The following SVEP1 variants were observed in gnomAD, a reference collection of about 807,000 sequenced individuals.
The protein encoded by SVEP1 is sushi, von Willebrand factor type A, EGF and pentraxin domain containing 1.
Under a neutral mutation model 367.3 loss-of-function variants are expected in SVEP1, and 164 were observed. The observed-to-expected ratio is 0.45, with a 90% CI of 0.39 to 0.51. The LOEUF is 0.51. SVEP1 is among the 20% of genes least tolerant of loss of function. The pLI is 0.00. For synonymous variants in SVEP1, 1,666 were observed against 1,611.6 expected (o/e 1.03, Z -0.81); for missense variants, 4,117 against 4,425.3 (o/e 0.93, Z 1.98).
Position 110,546,204 on chromosome 9 carries a change from C to G in SVEP1, c.875G>C (p.Gly292Ala), listed in dbSNP as rs1356020860. ...DEGKDCCDRM[G>A]SCKCGTHTGH... The stretch of plus-strand genomic sequence containing the variant: ...TGTGTGTGTCCCACATTTGCAGCTT[C>G]CCATTCGGTCACAGCAGTCCTTGCC... The change falls in exon 3 of 48, where the codon GGA becomes GCA. Residue 292 changes from glycine (G) to alanine (A), a missense_variant. By Grantham distance (60) the Gly-to-Ala change is moderately conservative. Transcript: ENST00000374469. 14 of 1,575,592 alleles carry G rather than the reference C, an allele frequency of 8.9e-6. No homozygotes were observed. The highest frequency in any genetic ancestry group is 1.2e-5 in the Non-Finnish European group (14 of 1,159,906).
At chr9:110,381,880 G>A (rs1031779701) in intron 43 of SVEP1, among the ~76,000 whole-genome samples, 4 of 152,134 alleles carry the variant, frequency 2.6e-5, no homozygotes, top group African/African-American at 9.7e-5. Flanking sequence ...CCTGTACTGG[G>A]TGCCTATATA....
At chr9:110,444,037 G>C (rs1268989802) in intron 26 of SVEP1, among the ~76,000 whole-genome samples, 1 of 152,186 alleles carries the variant, frequency 6.6e-6, no homozygotes, top group Non-Finnish European at 1.5e-5. Flanking sequence ...TGGAGAGAAT[G>C]AGTCAAGAAT....
At position 110,496,932 on chromosome 9, in the gene SVEP1, G is replaced by A. The variant is rs75422692; in HGVS notation, c.1683C>T (p.Asp561=). ...NVGVQAAVCK[D]VEAPQINCPK... Reference sequence around the variant, plus strand: ...GACAGTTGATTTGAGGAGCCTCCACGTCTAACTCAGAAAAATACACAAGTA... The same window carrying A: ...GACAGTTGATTTGAGGAGCCTCCACATCTAACTCAGAAAAATACACAAGTA... Residue 561 remains aspartate, a splice_region_variant and synonymous_variant, in exon 8 of 48, where the codon GAC becomes GAT. Transcript: ENST00000374469. The A allele has an allele frequency of 1.3e-4, 200 of 1,532,668 alleles. No individual in the cohort carries two copies. Among genetic ancestry groups the A allele is most frequent in the East Asian group, 1.3e-3 (52 of 40,724 alleles). 94.9% of individuals were successfully genotyped at this position (1,532,668 alleles called of 1,614,324 possible).
At chr9:110,428,678 C>T (rs572887161) in intron 35 of SVEP1, among the ~76,000 whole-genome samples, 2 of 152,088 alleles carry the variant, frequency 1.3e-5, no homozygotes, top group African/African-American at 2.4e-5. Flanking sequence ...GGGCATTTAC[C>T]ATTAGCTAGG....
chr9:110,468,570 C>T (rs1828972155), intron 17 of SVEP1, among the ~76,000 whole-genome samples: 1 of 152,216 alleles, frequency 6.6e-6, no homozygotes, highest in South Asian at 2.1e-4. Context: ...AATGCCCACC[C>T]TATACTCAGA....
chr9:110,530,333 G>A (rs559958662), intron 3 of SVEP1, among the ~76,000 whole-genome samples: 15 of 152,114 alleles, frequency 9.9e-5, no homozygotes, highest in African/African-American at 3.1e-4. Flanking sequence ...TTTGGAAATT[G>A]GTATATCCTG....
chr9:110,517,316 G>T (rs191253800), intron 3 of SVEP1, among the ~76,000 whole-genome samples: 3 of 152,042 alleles, frequency 2.0e-5, no homozygotes, highest in African/African-American at 7.2e-5. Context: ...TTAAAATTAG[G>T]CTGGGCATGG....
At chr9:110,432,145 A>G (rs889366861) in intron 31 of SVEP1, 111 bp from the exon 32 acceptor site, 80 of 1,181,424 alleles carry the variant, frequency 6.8e-5, no homozygotes, top group Non-Finnish European at 8.8e-5. Flanking sequence ...AACACTTCAT[A>G]TATTTGTATA....
chr9:110,414,822 C>G (rs776600402), intron 36 of SVEP1, among the ~76,000 whole-genome samples: 2 of 151,774 alleles, frequency 1.3e-5, no homozygotes, highest in Non-Finnish European at 2.9e-5. Flanking sequence ...ATAAGAACAA[C>G]AGGAAGCATA....
chr9:110,545,583 T>G (rs1020898285), intron 3 of SVEP1, among the ~76,000 whole-genome samples: 2 of 152,204 alleles, frequency 1.3e-5, no homozygotes, highest in Non-Finnish European at 2.9e-5. Context: ...TCTTACCAGT[T>G]ACATGTGGCC....
In SVEP1 at chr9:110,400,454, C is replaced by A. The variant is rs566479699; in HGVS notation, c.9822+400G>T. Among the ~76,000 whole-genome samples the A allele has an allele frequency of 2.6e-5, 4 of 152,050 alleles. No individual in the cohort carries two copies. The East Asian group carries it at 7.7e-4, about 29-fold the overall frequency. ...TGATTTCAGCTCACTGAAACCTATG[C>A]CTCACGGGTTCAAGCGATTCTCCTG... On this transcript the variant is annotated intron_variant, in intron 40 of 47. Coordinates refer to ENST00000374469, the MANE Select transcript of SVEP1 (RefSeq NM_153366.4).
At chr9:110,506,448 TC>T (rs972121671) in intron 5 of SVEP1, among the ~76,000 whole-genome samples, 1 of 151,124 alleles carries the variant, frequency 6.6e-6, no homozygotes, top group Admixed American at 6.6e-5. Flanking sequence ...AATGATCTCT[TC>T]TTTTCTAATG....
intron 8 of SVEP1, among the ~76,000 whole-genome samples, chr9:110,495,224 T>C (rs990331082): frequency 6.6e-6 from 1 of 152,094 alleles, no homozygotes; most frequent in Non-Finnish European, 1.5e-5. Context: ...CCCCATGTAG[T>C]AGGCTGAATA....
At position 110,377,260 on chromosome 9, in the gene SVEP1, G is replaced by A. The variant is rs1827363033; in HGVS notation, c.10504+11C>T. On this transcript the variant is annotated intron_variant, in intron 45 of 47. Coordinates refer to ENST00000374469, the MANE Select transcript of SVEP1 (RefSeq NM_153366.4). ...GTCAGGACTCAAAGTAAGATCTGAA[G>A]AGCAACTCACGTTCTTCACAGAGGC... 6.2e-7 allele frequency: 1 copy of A among 1,612,390 alleles called. No homozygotes were observed. The highest frequency in any genetic ancestry group is 8.5e-7 in the Non-Finnish European group (1 of 1,178,768).
At chr9:110,411,918 T>G (rs920614169) in intron 36 of SVEP1, among the ~76,000 whole-genome samples, 183 bp from the exon 37 acceptor site, 3 of 152,232 alleles carry the variant, frequency 2.0e-5, no homozygotes, top group African/African-American at 7.2e-5. Context: ...GTCAATACAT[T>G]GTGATATTGT....
intron 14 of SVEP1, 77 bp from the exon 15 acceptor site, chr9:110,472,400 C>G (rs1829034929): frequency 7.1e-7 from 1 of 1,403,412 alleles, no homozygotes; most frequent in South Asian, 1.6e-5. Context: ...TGTTAAGCCA[C>G]AAGTGAAATT....
At chr9:110,513,152 C>A in intron 4 of SVEP1, 47 bp from the exon 5 acceptor site, 8 of 1,515,530 alleles carry the variant, frequency 5.3e-6, no homozygotes, top group South Asian at 1.3e-5. Flanking sequence ...AGCCTTTTGT[C>A]TATGACATAT....
intron 24 of SVEP1, 138 bp from the exon 25 acceptor site, chr9:110,447,195 G>A: frequency 1.3e-6 from 1 of 786,510 alleles, no homozygotes; most frequent in Non-Finnish European, 1.8e-6. Flanking sequence ...TTAATTGCAG[G>A]TTACTTTTTC....
At position 110,408,198 on chromosome 9, in the gene SVEP1, G is replaced by T; in HGVS notation, c.7402C>A (p.Pro2468Thr). The change falls in exon 38 of 48, where the codon CCA becomes ACA. Residue 2468 changes from proline to threonine, a missense_variant. Transcript: ENST00000374469. ...YLSTALYTCK[P>T]GFELVGNTTT... ...GTATTTCCCACCAATTCAAAGCCTG[G>T]CTTGCAGGTATAGAGAGCTGTGCTG... The T allele has an allele frequency of 6.8e-6, 11 of 1,613,992 alleles. No individual in the cohort carries two copies. The highest frequency in any genetic ancestry group is 9.3e-6 in the Non-Finnish European group (11 of 1,179,894).
Sources: gnomAD v4.1 joint callset for allele counts (sites outside exome capture counted in the v4.1 genomes callset) on GRCh38, gnomAD v4.1.1 for gene constraint, MANE v1.5 for transcripts, NCBI Gene and HGNC (gene_info 2026-07-23, HGNC 2026-07-21) for gene names.